Variants in DCHS2 observed in about 807,000 individuals in gnomAD.
DCHS2 encodes protocadherin-23.
DCHS2 carries 142 observed loss-of-function variants against 182.4 expected under a neutral mutation model. The ratio of observed to expected loss-of-function variants is 0.78; its 90% CI spans 0.68 to 0.89. The LOEUF (loss-of-function observed/expected upper bound fraction) is 0.89, where lower values mean the gene tolerates loss of function less well. Among genes scored for constraint, DCHS2 ranks in the 40% least tolerant of loss-of-function variants. The pLI is 0.00. For missense variants in DCHS2, 4,319 were observed against 4,198.6 expected (o/e 1.03, Z -0.79); for synonymous variants, 1,740 against 1,663.3 (o/e 1.05, Z -1.12).
At chr4:154,278,821 T>C (rs76999542) in intron 13 of DCHS2, among the ~76,000 whole-genome samples, 2,501 of 152,070 alleles carry the variant, frequency 0.016, 63 homozygotes, top group East Asian at 0.1. Context: ...GTGACTTTCC[T>C]AGATAAACAA....
intron 19 of DCHS2, among the ~76,000 whole-genome samples, chr4:154,238,720 A>T (rs1211476795): frequency 6.6e-6 from 1 of 152,178 alleles, no homozygotes; most frequent in Non-Finnish European, 1.5e-5. Context: ...TCTTGTGCTT[A>T]TTGAACATAT....
chr4:154,473,817 G>C (rs975470628), intron 1 of DCHS2, among the ~76,000 whole-genome samples: 9 of 152,166 alleles, frequency 5.9e-5, no homozygotes, highest in African/African-American at 1.9e-4. Context: ...TCCTGGAGGA[G>C]CAGTTCCCGG....
intron 1 of DCHS2, among the ~76,000 whole-genome samples, chr4:154,479,090 A>G (rs576679337): frequency 6.6e-6 from 1 of 152,222 alleles, no homozygotes; most frequent in African/African-American, 2.4e-5. Flanking sequence ...CACTCTTGTA[A>G]TGAATGAAAA....
chr4:154,320,792 T>C lies in DCHS2; in HGVS notation c.4607A>G (p.Asp1536Gly). 1 of 1,614,156 alleles carries C rather than the reference T, an allele frequency of 6.2e-7. No individual in the cohort carries two copies. The highest frequency in any genetic ancestry group is 2.2e-5 in the East Asian group (1 of 44,886). ...GTLVYVFNAK[D>G]DDGSFLNSRI... ...ACTGTTCAAAAAACTGCCGTCATCA[T>C]CTTTGGCATTGAAGACATACACCAG... Residue 1536 changes from aspartate to glycine, a missense_variant, in exon 9 of 20, where the codon GAT becomes GGT. By Grantham distance (94) the Asp-to-Gly change is moderately conservative. Transcript: ENST00000357232.
chr4:154,408,960 T>C (rs1349847058), intron 1 of DCHS2, among the ~76,000 whole-genome samples: 1 of 152,120 alleles, frequency 6.6e-6, no homozygotes, highest in Non-Finnish European at 1.5e-5. Flanking sequence ...GATGATGCCT[T>C]GGATGCCCAG....
In DCHS2 at chr4:154,490,766, C is replaced by T. The variant is rs943579169; in HGVS notation, c.590G>A (p.Gly197Glu). ...GGTGTAGCCCTGAGTGCTGAACAGTCCGGCGTCCGGATCGTGGGCAACTGG... is the reference window on the plus strand; with the variant it reads ...GGTGTAGCCCTGAGTGCTGAACAGTTCGGCGTCCGGATCGTGGGCAACTGG... Reference protein sequence around the residue: ...RLPVAHDPDAGLFSTQGYTLV... With the variant: ...RLPVAHDPDAELFSTQGYTLV... The change falls in exon 1 of 20, where the codon GGA (glycine) becomes GAA (glutamate). Residue 197 changes from glycine to glutamate, a missense_variant. Coordinates refer to ENST00000357232, the MANE Select transcript of DCHS2 (RefSeq NM_001358235.2). The T allele has an allele frequency of 2.6e-6, 4 of 1,551,454 alleles. No homozygotes were observed. The African/African-American group carries it at 4.1e-5, about 16-fold the overall frequency.
Position 154,373,862 on chromosome 4 carries a change from C to A in DCHS2, c.2244+3391G>T. On this transcript the variant is annotated intron_variant, in intron 2 of 19. Transcript: ENST00000357232. ...AAGGAAAACTCGAAGCTCTGACAAC[C>A]CATTTCCAGGCACCAGATGTTAAAA... is the stretch of plus-strand genomic sequence containing the variant. The A allele has an allele frequency of 2.1e-6, 3 of 1,414,268 alleles. No homozygotes were observed. The Admixed American group carries it at 5.9e-5, about 28-fold the overall frequency. 87.6% of individuals were successfully genotyped at this position (1,414,268 alleles called of 1,614,324 possible).
chr4:154,273,455 G>C (rs538270138), intron 13 of DCHS2, among the ~76,000 whole-genome samples: 3 of 151,978 alleles, frequency 2.0e-5, no homozygotes, highest in African/African-American at 7.3e-5. Context: ...GGGACTTGGG[G>C]GAAAAGGTGG....
In DCHS2 at chr4:154,267,906, C is replaced by T. The variant is rs72721393; in HGVS notation, c.6577+1994G>A. ...TTGCAGTAAATGGCTTAGGGTCACT[C>T]GTTTCAGGGGATTCCTTGCTGAAGC... is the stretch of plus-strand genomic sequence containing the variant. On this transcript the variant is annotated intron_variant, in intron 14 of 19. Coordinates refer to ENST00000357232, the MANE Select transcript of DCHS2 (RefSeq NM_001358235.2). 3.1e-3 allele frequency among the ~76,000 whole-genome samples: 476 copies of T among 152,280 alleles called. 2 individuals carry two copies. Among genetic ancestry groups the T allele is most frequent in the Non-Finnish European group, 5.4e-3 (364 of 68,026 alleles).
chr4:154,274,507 A>T (rs1733741232), intron 13 of DCHS2, among the ~76,000 whole-genome samples: 1 of 152,090 alleles, frequency 6.6e-6, no homozygotes, highest in African/African-American at 2.4e-5. Context: ...ACAGCAGAGG[A>T]GATTTTCTAT....
chr4:154,344,237 T>C (rs532233375), intron 3 of DCHS2, among the ~76,000 whole-genome samples: 90 of 152,206 alleles, frequency 5.9e-4, no homozygotes, highest in Non-Finnish European at 9.7e-4. Context: ...TGAAATGTTA[T>C]GAGAATTATC....
At chr4:154,383,088 G>C (rs1731244650) in intron 1 of DCHS2, among the ~76,000 whole-genome samples, 1 of 152,114 alleles carries the variant, frequency 6.6e-6, no homozygotes, top group African/African-American at 2.4e-5. Context: ...AATCAACCTA[G>C]GGACCCATCA....
At chr4:154,463,470 C>A (rs1735102381) in intron 1 of DCHS2, among the ~76,000 whole-genome samples, 1 of 151,948 alleles carries the variant, frequency 6.6e-6, no homozygotes, top group Non-Finnish European at 1.5e-5. Context: ...ATATTTTTAA[C>A]AAAACTAAGT....
chr4:154,489,818 T>A lies in DCHS2; in HGVS notation c.1538A>T (p.Asp513Val). 1 of 1,551,402 alleles carries A rather than the reference T, an allele frequency of 6.4e-7. No individual in the cohort carries two copies. The highest frequency in any genetic ancestry group is 8.7e-7 in the Non-Finnish European group (1 of 1,146,888). The change falls in exon 1 of 20, where the codon GAC becomes GTC. Residue 513 changes from aspartate (D) to valine (V), a missense_variant. Asp to Val is a radical substitution (Grantham distance 152). Coordinates refer to ENST00000357232, the MANE Select transcript of DCHS2 (RefSeq NM_001358235.2). The part of the protein sequence containing the change: ...DLYELLLVAT[D>V]AGSPPLSTEE... ...CGTGCTCAGCGGCGGGGACCCCGCG[T>A]CCGTGGCCACCAGTAGTAACTCATA... is the stretch of plus-strand genomic sequence containing the variant.
At chr4:154,326,316 G>T (rs1736281113) in intron 7 of DCHS2, among the ~76,000 whole-genome samples, 1 of 152,080 alleles carries the variant, frequency 6.6e-6, no homozygotes, top group Admixed American at 6.5e-5. Context: ...CTGGTTTGCA[G>T]GAGTTCTTAA....
At chr4:154,378,648 G>A (rs1179157417) in intron 1 of DCHS2, among the ~76,000 whole-genome samples, 17 of 152,116 alleles carry the variant, frequency 1.1e-4, no homozygotes, top group South Asian at 4.1e-4. Flanking sequence ...AGGTACTAAC[G>A]TTCACTCTTC....
chr4:154,298,166 C>G lies in DCHS2; in HGVS notation c.6148G>C (p.Glu2050Gln), dbSNP rs28561984. The G allele has an allele frequency of 0.028, 45,410 of 1,613,878 alleles. 2,356 individuals are homozygous for G. The highest frequency in any genetic ancestry group is 0.23 in the African/African-American group (17,080 of 74,956). Residue 2050 changes from glutamate to glutamine, a missense_variant, in exon 13 of 20, where the codon GAG becomes CAG. Physicochemically the swap from Glu to Gln is conservative, Grantham distance 29 (BLOSUM62 2). Coordinates refer to ENST00000357232, the MANE Select transcript of DCHS2 (RefSeq NM_001358235.2). ...QNPFDVFLSP[E>Q]SPTNQTTVIV... ...ACAGTTGTCTGGTTTGTAGGCGACT[C>G]GGGGGAAAGAAACACATCAAAAGGG...
intron 7 of DCHS2, among the ~76,000 whole-genome samples, chr4:154,325,108 T>A (rs1460369584): frequency 6.6e-6 from 1 of 152,148 alleles, no homozygotes; most frequent in Non-Finnish European, 1.5e-5. Flanking sequence ...TTTTCAATAT[T>A]TTTTCAATTT....
intron 7 of DCHS2, among the ~76,000 whole-genome samples, chr4:154,325,231 T>C (rs1448602762): frequency 6.6e-6 from 1 of 152,018 alleles, no homozygotes; most frequent in Non-Finnish European, 1.5e-5. Flanking sequence ...AGTTGAGGTT[T>C]ATCTTTGAAG....
Sources: allele counts gnomAD v4.1 joint callset (sites outside exome capture counted in the v4.1 genomes callset), GRCh38; gene constraint gnomAD v4.1.1; transcripts MANE v1.5; gene names NCBI Gene and HGNC (gene_info 2026-07-23, HGNC 2026-07-21).